Variants in CDH12 observed in about 807,000 individuals in gnomAD.
The protein encoded by CDH12 is cadherin-12.
Under a neutral mutation model 74.1 loss-of-function variants are expected in CDH12, and 41 were observed. The observed-to-expected ratio is 0.55, with a 90% confidence interval of 0.43 to 0.72. The LOEUF (loss-of-function observed/expected upper bound fraction) is 0.72, where lower values mean the gene tolerates loss of function less well. Among genes scored for constraint, CDH12 ranks in the 30% least tolerant of loss-of-function variants. CDH12 has a pLI of 0.00. For synonymous variants in CDH12, 399 were observed against 355.0 expected (o/e 1.12, Z -1.39); for missense variants, 945 against 977.2 (o/e 0.97, Z 0.44).
At chr5:22,536,306 G>C (rs1478538111) in intron 1 of CDH12, among the ~76,000 whole-genome samples, 1 of 152,170 alleles carries the variant, frequency 6.6e-6, no homozygotes, top group African/African-American at 2.4e-5. Flanking sequence ...TATCCAATTA[G>C]TATGATTGCT....
chr5:22,830,930 A>T (rs1736576213), intron 1 of CDH12, among the ~76,000 whole-genome samples: 2 of 151,600 alleles, frequency 1.3e-5, no homozygotes, highest in South Asian at 4.1e-4. Context: ...AACAACATAA[A>T]CTCCTCATTA....
chr5:21,803,806 G>C (rs974567973), intron 9 of CDH12, among the ~76,000 whole-genome samples: 7 of 152,134 alleles, frequency 4.6e-5, no homozygotes, highest in Middle Eastern at 3.4e-3. Flanking sequence ...CTTTACTGTA[G>C]TACACCTGGG....
chr5:21,977,720 C>T (rs1757130274), intron 5 of CDH12, among the ~76,000 whole-genome samples: 1 of 152,110 alleles, frequency 6.6e-6, no homozygotes, highest in Middle Eastern at 3.2e-3. Flanking sequence ...TACTGCTGCT[C>T]CTCACTCTTC....
intron 6 of CDH12, among the ~76,000 whole-genome samples, chr5:21,930,642 T>A (rs1352833309): frequency 1.3e-5 from 2 of 152,208 alleles, no homozygotes; most frequent in African/African-American, 2.4e-5. Context: ...CCATCCCTAC[T>A]ATATTCCTTC....
chr5:22,132,151 T>C (rs1361198062), intron 4 of CDH12, among the ~76,000 whole-genome samples: 3 of 151,882 alleles, frequency 2.0e-5, no homozygotes, highest in Non-Finnish European at 4.4e-5. Flanking sequence ...TAAACATAGA[T>C]ATATAGATGG....
At chr5:22,108,790 T>A (rs1744650631) in intron 4 of CDH12, among the ~76,000 whole-genome samples, 1 of 152,218 alleles carries the variant, frequency 6.6e-6, no homozygotes, top group Non-Finnish European at 1.5e-5. Flanking sequence ...GCCTTCTCAG[T>A]AATAATATGT....
intron 1 of CDH12, among the ~76,000 whole-genome samples, chr5:22,545,912 A>C (rs1738304496): frequency 6.6e-6 from 1 of 151,442 alleles, no homozygotes; most frequent in African/African-American, 2.4e-5. Context: ...AATGTCACTT[A>C]AACTGTCTAG....
intron 5 of CDH12, among the ~76,000 whole-genome samples, chr5:22,009,939 C>CAAAAAAAAAAAAAAAAAAAAAAAAAAAA (rs774589642): frequency 5.5e-5 from 3 of 54,300 alleles, no homozygotes; most frequent in Non-Finnish European, 8.1e-5. Flanking sequence ...GAAACTGTCT[C>CAAAAAAAAAAAAAAAAAAAAAAAAAAAA]AAAAAAAAAA....
intron 10 of CDH12, among the ~76,000 whole-genome samples, chr5:21,784,603 AAATT>A (rs1746098378): frequency 6.6e-6 from 1 of 152,152 alleles, no homozygotes; most frequent in South Asian, 2.1e-4. Flanking sequence ...CACAATACAC[AAATT>A]ATTTGTCATC....
At chr5:22,838,168 A>G (rs1736917319) in intron 1 of CDH12, among the ~76,000 whole-genome samples, 1 of 152,124 alleles carries the variant, frequency 6.6e-6, no homozygotes, top group South Asian at 2.1e-4. Context: ...ATGCTGAAAA[A>G]CAGCAGCCTT....
At chr5:22,850,065 TTATC>T (rs1474497667) in intron 1 of CDH12, among the ~76,000 whole-genome samples, 9 of 152,046 alleles carry the variant, frequency 5.9e-5, no homozygotes, top group Non-Finnish European at 1.3e-4. Context: ...TTCAAAGCAT[TTATC>T]TATAATCTCA....
intron 1 of CDH12, among the ~76,000 whole-genome samples, chr5:22,763,466 T>C (rs1746330158): frequency 6.6e-6 from 1 of 151,950 alleles, no homozygotes; most frequent in Admixed American, 6.6e-5. Flanking sequence ...GAAGGTCAAC[T>C]CTGTTAACAG....
At chr5:21,771,196 GTTTT>G (rs11465147) in intron 11 of CDH12, among the ~76,000 whole-genome samples, 1 of 147,688 alleles carries the variant, frequency 6.8e-6, no homozygotes, top group Non-Finnish European at 1.5e-5. Context: ...TAAAATGAAA[GTTTT>G]TTTTTTTTAA....
chr5:22,682,499 G>A (rs1412069011), intron 1 of CDH12, among the ~76,000 whole-genome samples: 1 of 152,004 alleles, frequency 6.6e-6, no homozygotes, highest in East Asian at 1.9e-4. Flanking sequence ...GTATACAACA[G>A]AGATTCTATT....
At position 21,905,586 on chromosome 5, in the gene CDH12, G is replaced by A. The variant is rs763995080; in HGVS notation, c.527-50796C>T. On this transcript the variant is annotated intron_variant, in intron 6 of 14. Coordinates refer to ENST00000382254, the MANE Select transcript of CDH12 (RefSeq NM_004061.5). Reference sequence around the variant, plus strand: ...TGGCCACCTATTGAGTCCCTTACCCGATCACTCTCTCTCAGACTCCCAATT... The same window carrying A: ...TGGCCACCTATTGAGTCCCTTACCCAATCACTCTCTCTCAGACTCCCAATT... Among the ~76,000 whole-genome samples, 14 of 152,098 alleles carry A rather than the reference G, an allele frequency of 9.2e-5. 1 individual carries two copies. Among genetic ancestry groups the A allele is most frequent in the Non-Finnish European group, 1.6e-4 (11 of 68,024 alleles).
At chr5:22,154,070 A>G (rs924430041) in intron 4 of CDH12, among the ~76,000 whole-genome samples, 1 of 148,360 alleles carries the variant, frequency 6.7e-6, no homozygotes, top group African/African-American at 2.5e-5. Context: ...GAAATTTATC[A>G]GTGATGCTTT....
intron 4 of CDH12, among the ~76,000 whole-genome samples, chr5:22,127,370 G>A (rs893007781): frequency 4.6e-5 from 7 of 151,808 alleles, no homozygotes; most frequent in East Asian, 1.9e-4. Flanking sequence ...CCAGCTACTC[G>A]GGAGGCTGAG....
At chr5:22,813,718 C>T (rs1161998985) in intron 1 of CDH12, among the ~76,000 whole-genome samples, 2 of 152,146 alleles carry the variant, frequency 1.3e-5, no homozygotes, top group Non-Finnish European at 2.9e-5. Flanking sequence ...AGACTCTAGG[C>T]AACTGCTCAA....
At chr5:21,930,232 T>C (rs1442108405) in intron 6 of CDH12, among the ~76,000 whole-genome samples, 16 of 152,152 alleles carry the variant, frequency 1.1e-4, no homozygotes, top group Admixed American at 1.0e-3. Flanking sequence ...AAAGATTGAT[T>C]GGTAATTCTG....
Sources: allele counts gnomAD v4.1 joint callset (sites outside exome capture counted in the v4.1 genomes callset), GRCh38; gene constraint gnomAD v4.1.1; transcripts MANE v1.5; gene names NCBI Gene and HGNC (gene_info 2026-07-23, HGNC 2026-07-21).